ZNF260: variants seen among roughly 807,000 people sequenced by gnomAD.
ZNF260 encodes zfp-260.
ZNF260 carries 21 observed loss-of-function variants against 29.3 expected under a neutral mutation model. That is an observed-to-expected ratio of 0.72 (90% CI 0.51 to 1.03). The LOEUF (loss-of-function observed/expected upper bound fraction) is 1.03. ZNF260 is among the 50% of genes least tolerant of loss of function. ZNF260 has a pLI of 0.00. For synonymous variants in ZNF260, 156 were observed against 156.8 expected (o/e 0.99, Z 0.04); for missense variants, 465 against 487.8 (o/e 0.95, Z 0.44).
At chr19:36,521,311 TCTC>T (rs1450730604) in intron 2 of ZNF260, among the ~76,000 whole-genome samples, 1 of 152,164 alleles carries the variant, frequency 6.6e-6, no homozygotes, top group Non-Finnish European at 1.5e-5. Flanking sequence ...AAAAATTACA[TCTC>T]CTTTGTAATT....
chr19:36,521,617 G>A (rs968429855), intron 2 of ZNF260, among the ~76,000 whole-genome samples: 1 of 151,830 alleles, frequency 6.6e-6, no homozygotes, highest in East Asian at 1.9e-4. Flanking sequence ...GCCAGGCATG[G>A]TGGTGGGCAT....
chr19:36,513,563 T>A lies in ZNF260; in HGVS notation c.*437A>T. On this transcript the variant is annotated 3_prime_UTR_variant, in exon 3 of 3. Transcript: ENST00000523638. ...ACATTTCTGAATTCAATATTCTGTC[T>A]CAGTCTCAGTTTTATGACTGCTTCA... The A allele has an allele frequency of 2.5e-6, 1 of 402,530 alleles. No homozygotes were observed. The highest frequency in any genetic ancestry group is 3.5e-5 in the East Asian group (1 of 28,398). 24.9% of individuals were successfully genotyped at this position (402,530 alleles called of 1,614,324 possible).
intron 2 of ZNF260, among the ~76,000 whole-genome samples, chr19:36,517,110 G>A (rs1331432154): frequency 6.6e-6 from 1 of 152,114 alleles, no homozygotes; most frequent in African/African-American, 2.4e-5. Context: ...AAAGTATTAG[G>A]AGGACTAGGG....
chr19:36,514,523 T>C lies in ZNF260; in HGVS notation c.716A>G (p.Gln239Arg). ...AGGTTTCTCTCCTGTGTGACTTCTCTGGTGTCTAATGAGGCTTGACTTCTG... is the reference window on the plus strand; with the variant it reads ...AGGTTTCTCTCCTGTGTGACTTCTCCGGTGTCTAATGAGGCTTGACTTCTG... The part of the protein sequence containing the change: ...FIQKSSLIRH[Q>R]RSHTGEKPYT... The change falls in exon 3 of 3, where the codon CAG becomes CGG. Residue 239 changes from glutamine to arginine, a missense_variant. By Grantham distance (43) the Gln-to-Arg change is conservative. Transcript: ENST00000523638. 1.2e-6 allele frequency: 2 copies of C among 1,614,012 alleles called. No homozygotes were observed. Among genetic ancestry groups the C allele is most frequent in the South Asian group, 1.1e-5 (1 of 91,072 alleles).
In ZNF260 at chr19:36,525,359, T is replaced by G. The variant is rs996933011; in HGVS notation, c.-666A>C. The G allele has an allele frequency of 6.6e-6, 1 of 152,226 alleles. No individual in the cohort carries two copies. Among genetic ancestry groups the G allele is most frequent in the Non-Finnish European group, 1.5e-5 (1 of 68,052 alleles). 9.4% of individuals were successfully genotyped at this position (152,226 alleles called of 1,614,324 possible). A position where few individuals can be genotyped will look rare whatever the true frequency, so the allele number is the denominator to read the frequency against. ...AGAGGTTTTGCAGCTCCTGTGGATA[T>G]ACAAGGAAGCAGGCCTGTGAAAAAG... is the stretch of plus-strand genomic sequence containing the variant. On this transcript the variant is annotated 5_prime_UTR_variant, in exon 2 of 3. Transcript: ENST00000523638.
intron 1 of ZNF260, among the ~76,000 whole-genome samples, chr19:36,527,094 AGATAATATG>A (rs1294826664): frequency 6.6e-6 from 1 of 152,208 alleles, no homozygotes; most frequent in Non-Finnish European, 1.5e-5. Flanking sequence ...TTGGGCAATT[AGATAATATG>A]GATTAGGAGC....
At chr19:36,516,723 C>G (rs1046478653) in intron 2 of ZNF260, among the ~76,000 whole-genome samples, 2 of 152,142 alleles carry the variant, frequency 1.3e-5, no homozygotes, top group Admixed American at 1.3e-4. Context: ...GGACTACAGG[C>G]GCCCACCACC....
intron 2 of ZNF260, among the ~76,000 whole-genome samples, chr19:36,518,784 G>A (rs917230259): frequency 2.0e-5 from 3 of 152,088 alleles, no homozygotes; most frequent in South Asian, 2.1e-4. Context: ...AAAAGATAGC[G>A]GCGAAAGCAC....
Position 36,514,023 on chromosome 19 carries a change from G to A in ZNF260, c.1216C>T (p.His406Tyr). The A allele has an allele frequency of 6.2e-7, 1 of 1,613,750 alleles. No homozygotes were observed. The highest frequency in any genetic ancestry group is 8.5e-7 in the Non-Finnish European group (1 of 1,179,762). The part of the protein sequence containing the change: ...AFSQKSHHIR[H>Y]QRIHTH ...CTTTAATGAGTATGAATTCTCTGGT[G>A]TCTAATGTGATGTGACTTTTGGCTG... The change falls in exon 3 of 3, where the codon CAC (histidine) becomes TAC (tyrosine). Residue 406 changes from histidine to tyrosine, a missense_variant. By Grantham distance (83) the His-to-Tyr change is moderately conservative (BLOSUM62 2). Coordinates refer to ENST00000523638, the MANE Select transcript of ZNF260 (RefSeq NM_001166037.2).
rs1194995953 is a variant in ZNF260, at chr19:36,512,078, T to C, written c.*1922A>G. Reference sequence around the variant, plus strand: ...TTTAATAATATGATCCTTAAATGTATGTGATCCAACCAATCTGTGGCAAAT... The same window carrying C: ...TTTAATAATATGATCCTTAAATGTACGTGATCCAACCAATCTGTGGCAAAT... On this transcript the variant is annotated 3_prime_UTR_variant, in exon 3 of 3. Transcript: ENST00000523638. 1 of 152,198 alleles carries C rather than the reference T, an allele frequency of 6.6e-6. No individual in the cohort carries two copies. The highest frequency in any genetic ancestry group is 1.5e-5 in the Non-Finnish European group (1 of 68,034). 9.4% of individuals were successfully genotyped at this position (152,198 alleles called of 1,614,324 possible).
chr19:36,524,516 A>ATTTTTTTTTTTTT, intron 2 of ZNF260, among the ~76,000 whole-genome samples: 1 of 80,968 alleles, frequency 1.2e-5, no homozygotes, highest in South Asian at 4.0e-4. Flanking sequence ...CTTACATGCT[A>ATTTTTTTTTTTTT]GTTTTTTTTT....
chr19:36,516,910 G>A (rs1457844423), intron 2 of ZNF260, among the ~76,000 whole-genome samples: 1 of 152,184 alleles, frequency 6.6e-6, no homozygotes, highest in African/African-American at 2.4e-5. Flanking sequence ...GAATCGGTGA[G>A]AAACAGGATG....
At chr19:36,516,437 A>G (rs182943565) in intron 2 of ZNF260, among the ~76,000 whole-genome samples, 206 of 152,210 alleles carry the variant, frequency 1.4e-3, no homozygotes, top group African/African-American at 4.7e-3. Context: ...TCTCTATAAA[A>G]AATTTAAAAA....
At chr19:36,517,076 G>A (rs184790685) in intron 2 of ZNF260, among the ~76,000 whole-genome samples, 2 of 152,196 alleles carry the variant, frequency 1.3e-5, no homozygotes, top group Admixed American at 6.5e-5. Context: ...AGAACTAAAC[G>A]GTTAAGAAGA....
At chr19:36,527,390 A>G (rs1401283618) in intron 1 of ZNF260, among the ~76,000 whole-genome samples, 1 of 152,176 alleles carries the variant, frequency 6.6e-6, no homozygotes, top group Non-Finnish European at 1.5e-5. Context: ...GAATATGTTG[A>G]TATGTTAAGA....
intron 2 of ZNF260, among the ~76,000 whole-genome samples, chr19:36,522,813 A>ATG (rs2034668761): frequency 2.0e-5 from 3 of 152,238 alleles, no homozygotes; most frequent in Non-Finnish European, 4.4e-5. Context: ...CACCAAAGTT[A>ATG]GCATGCAAAT....
At chr19:36,527,505 T>C (rs2034755854) in intron 1 of ZNF260, among the ~76,000 whole-genome samples, 1 of 152,168 alleles carries the variant, frequency 6.6e-6, no homozygotes, top group Admixed American at 6.6e-5. Context: ...CTGATTAAAT[T>C]AGGAGTGAGA....
rs1016719788 is a variant in ZNF260, at chr19:36,511,054, T to C, written c.*2946A>G. 2 of 152,194 alleles carry C rather than the reference T, an allele frequency of 1.3e-5. No individual in the cohort carries two copies. The highest frequency in any genetic ancestry group is 4.8e-5 in the African/African-American group (2 of 41,458). 9.4% of individuals were successfully genotyped at this position (152,194 alleles called of 1,614,324 possible). On this transcript the variant is annotated 3_prime_UTR_variant, in exon 3 of 3. Coordinates refer to ENST00000523638, the MANE Select transcript of ZNF260 (RefSeq NM_001166037.2). ...TCATGTACACATACATATATTTTATTTGGGTATATTACCTCAGAAAATCAA... is the reference window on the plus strand; with the variant it reads ...TCATGTACACATACATATATTTTATCTGGGTATATTACCTCAGAAAATCAA...
intron 2 of ZNF260, among the ~76,000 whole-genome samples, chr19:36,524,168 T>G (rs2145755735): frequency 6.6e-6 from 1 of 152,042 alleles, no homozygotes; most frequent in East Asian, 1.9e-4. Context: ...AATGATTAAT[T>G]TATTTTATTT....
Sources: gnomAD v4.1 joint callset for allele counts (sites outside exome capture counted in the v4.1 genomes callset) on GRCh38, gnomAD v4.1.1 for gene constraint, MANE v1.5 for transcripts, NCBI Gene and HGNC (gene_info 2026-07-23, HGNC 2026-07-21) for gene names.